TBC1D32: variants seen among roughly 807,000 people sequenced by gnomAD.
TBC1D32 encodes TBC1 domain family member 32.
TBC1D32 carries 151 observed loss-of-function variants against 170.3 expected under a neutral mutation model. The observed-to-expected ratio is 0.89, with a 90% CI of 0.78 to 1.01. TBC1D32 has a LOEUF of 1.01. Among genes scored for constraint, TBC1D32 ranks in the 50% least tolerant of loss-of-function variants. TBC1D32 has a pLI of 0.00. For synonymous variants in TBC1D32, 498 were observed against 488.0 expected, an observed-to-expected ratio of 1.02 and a Z score of -0.27; for missense variants, 1,464 against 1,457.1, an observed-to-expected ratio of 1.00 and a Z score of -0.08.
At chr6:121,329,272 A>G (rs1424823449) in intron 1 of TBC1D32, among the ~76,000 whole-genome samples, 1 of 152,184 alleles carries the variant, frequency 6.6e-6, no homozygotes, top group Non-Finnish European at 1.5e-5. Context: ...AAAAATACGG[A>G]GAGGTTACTC....
rs565983635 is a variant in TBC1D32, at chr6:121,188,225, A to C, written c.2570+16850T>G. ...CAATACAAATACCTGAGACATAATG[A>C]GCACTATATTAGTATTATGCAGTAG... On this transcript the variant is annotated intron_variant, in intron 22 of 31. Transcript: ENST00000398212. 5.4e-4 allele frequency among the ~76,000 whole-genome samples: 82 copies of C among 152,298 alleles called. 1 individual carries two copies. The highest frequency in any genetic ancestry group is 3.4e-3 in the Middle Eastern group (1 of 294).
intron 15 of TBC1D32, among the ~76,000 whole-genome samples, chr6:121,260,623 C>T (rs1349670902): frequency 3.3e-5 from 5 of 152,216 alleles, no homozygotes; most frequent in Admixed American, 2.6e-4. Flanking sequence ...GGAAGCTGTG[C>T]TTTTCCATGG....
At chr6:121,114,860 G>T (rs1482465555) in intron 27 of TBC1D32, among the ~76,000 whole-genome samples, 1 of 152,042 alleles carries the variant, frequency 6.6e-6, no homozygotes, top group African/African-American at 2.4e-5. Context: ...TCATATTCTA[G>T]AAAATAGTAT....
At chr6:121,123,259 A>T (rs967186927) in intron 26 of TBC1D32, among the ~76,000 whole-genome samples, 2 of 152,102 alleles carry the variant, frequency 1.3e-5, no homozygotes, top group Admixed American at 6.5e-5. Flanking sequence ...GTTGAATTGT[A>T]TCAAATGCAT....
At chr6:121,229,765 T>A (rs933680875) in intron 20 of TBC1D32, among the ~76,000 whole-genome samples, 1 of 152,078 alleles carries the variant, frequency 6.6e-6, no homozygotes, top group Non-Finnish European at 1.5e-5. Context: ...AGTGGTAGAG[T>A]TCTGATATGG....
chr6:121,151,160 T>TG (rs1172777204), intron 24 of TBC1D32, among the ~76,000 whole-genome samples: 1 of 152,174 alleles, frequency 6.6e-6, no homozygotes, highest in African/African-American at 2.4e-5. Context: ...AATTTCCCTC[T>TG]AACACTGCTT....
At chr6:121,132,783 G>C (rs1346450121) in intron 24 of TBC1D32, among the ~76,000 whole-genome samples, 1 of 151,832 alleles carries the variant, frequency 6.6e-6, no homozygotes, top group African/African-American at 2.4e-5. Flanking sequence ...TAATTGCATA[G>C]CTTTAAAGGT....
intron 15 of TBC1D32, among the ~76,000 whole-genome samples, chr6:121,272,543 T>A (rs897826886): frequency 6.6e-6 from 1 of 151,896 alleles, no homozygotes; most frequent in African/African-American, 2.4e-5. Context: ...GAAATGCAAA[T>A]CAAAACCACA....
intron 1 of TBC1D32, among the ~76,000 whole-genome samples, chr6:121,327,112 G>A (rs1810559975): frequency 6.7e-6 from 1 of 150,284 alleles, no homozygotes; most frequent in African/African-American, 2.5e-5. Context: ...ACAGACACCA[G>A]GACTCCAAAA....
chr6:121,326,428 T>C (rs1810470709), intron 1 of TBC1D32, among the ~76,000 whole-genome samples: 1 of 152,182 alleles, frequency 6.6e-6, no homozygotes, highest in South Asian at 2.1e-4. Flanking sequence ...CTGACCGCTA[T>C]ACATGTATGG....
intron 20 of TBC1D32, chr6:121,236,940 G>A (rs1490643806): frequency 6.6e-6 from 1 of 151,950 alleles, no homozygotes; most frequent in Non-Finnish European, 1.5e-5. Context: ...TAAGTTAAAA[G>A]GAAAAATAAT....
rs993199397 is a variant in TBC1D32 at position 121,094,747 on chromosome 6, A to G, written c.3466-3706T>C. On this transcript the variant is annotated intron_variant, in intron 30 of 31. Transcript: ENST00000398212. ...CTAAAGATGTTTCCTCCAACTGCAT[A>G]ATATTCCATTGTAGATAAACCACAA... Among the ~76,000 whole-genome samples the G allele has an allele frequency of 1.7e-4, 26 of 152,190 alleles. 1 individual carries two copies. Among genetic ancestry groups the G allele is most frequent in the Middle Eastern group, 6.8e-3 (2 of 294 alleles).
In TBC1D32 at chr6:121,178,192, C is replaced by T. The variant is rs144524057; in HGVS notation, c.2571-17136G>A. On this transcript the variant is annotated intron_variant, in intron 22 of 31. Coordinates refer to ENST00000398212, the MANE Select transcript of TBC1D32 (RefSeq NM_152730.6). ...TGATTCAATTATCTCTGCCTGGTCCCGCCCTTGACACGTGGGGATTATTAC... is the reference window on the plus strand; with the variant it reads ...TGATTCAATTATCTCTGCCTGGTCCTGCCCTTGACACGTGGGGATTATTAC... Among the ~76,000 whole-genome samples, 39 of 152,200 alleles carry T rather than the reference C, an allele frequency of 2.6e-4. 1 individual carries two copies. In the East Asian group the frequency reaches 5.4e-3, roughly 21 times the overall value.
intron 10 of TBC1D32, among the ~76,000 whole-genome samples, chr6:121,297,101 A>G (rs1400267141): frequency 6.6e-6 from 1 of 152,126 alleles, no homozygotes; most frequent in Non-Finnish European, 1.5e-5. Context: ...ACAGGAAAGA[A>G]AAGGAATAAT....
chr6:121,191,515 T>G (rs560750888), intron 22 of TBC1D32, among the ~76,000 whole-genome samples: 1 of 152,102 alleles, frequency 6.6e-6, no homozygotes, highest in Non-Finnish European at 1.5e-5. Flanking sequence ...GCCGATAAAA[T>G]TGTGTAAGAA....
chr6:121,323,700 G>C (rs1810071701), intron 1 of TBC1D32, among the ~76,000 whole-genome samples: 1 of 152,214 alleles, frequency 6.6e-6, no homozygotes, highest in Non-Finnish European at 1.5e-5. Context: ...CCAGCACTTT[G>C]GGAGGCCAAC....
intron 30 of TBC1D32, among the ~76,000 whole-genome samples, chr6:121,097,615 C>T (rs1343091240): frequency 6.6e-6 from 1 of 152,086 alleles, no homozygotes; most frequent in Non-Finnish European, 1.5e-5. Context: ...TTAGTTCAAC[C>T]ATTGTGGAAG....
intron 24 of TBC1D32, among the ~76,000 whole-genome samples, chr6:121,146,221 G>A (rs974504067): frequency 6.6e-6 from 1 of 152,192 alleles, no homozygotes; most frequent in Non-Finnish European, 1.5e-5. Flanking sequence ...AGAGGCTGAT[G>A]AGTCCAAAAT....
intron 4 of TBC1D32, among the ~76,000 whole-genome samples, chr6:121,310,201 TTAA>T (rs1321979640): frequency 6.6e-6 from 1 of 152,102 alleles, no homozygotes; most frequent in Non-Finnish European, 1.5e-5. Context: ...GATGACTATG[TTAA>T]TAACAATGTT....
Sources: allele counts gnomAD v4.1 joint callset (sites outside exome capture counted in the v4.1 genomes callset), GRCh38; gene constraint gnomAD v4.1.1; transcripts MANE v1.5; gene names NCBI Gene and HGNC (gene_info 2026-07-23, HGNC 2026-07-21).